Variants in LARGE1 observed in about 807,000 individuals in gnomAD.
LARGE1 encodes the protein LARGE xylosyl- and glucuronyltransferase 1.
Under a neutral mutation model 87.6 loss-of-function variants are expected in LARGE1, and 43 were observed. That is an observed-to-expected ratio of 0.49 (90% CI 0.38 to 0.63). The LOEUF is 0.63. Among genes scored for constraint, LARGE1 ranks in the 30% least tolerant of loss-of-function variants. LARGE1 has a pLI of 0.00. For synonymous variants in LARGE1, 434 were observed against 394.6 expected, an observed-to-expected ratio of 1.10 and a Z score of -1.18; for missense variants, 802 against 1,000.2, an observed-to-expected ratio of 0.80 and a Z score of 2.67.
At chr22:33,900,001 T>C (rs995651014) in intron 1 of LARGE1, among the ~76,000 whole-genome samples, 18 of 152,204 alleles carry the variant, frequency 1.2e-4, no homozygotes, top group Non-Finnish European at 2.2e-4. Flanking sequence ...TGCAAGTTAT[T>C]AGGAAGAAAC....
chr22:33,420,903 G>C (rs1328112988), intron 7 of LARGE1, among the ~76,000 whole-genome samples: 1 of 152,156 alleles, frequency 6.6e-6, no homozygotes, highest in Non-Finnish European at 1.5e-5. Flanking sequence ...AAAGGAAAAG[G>C]AAGGCTGGGC....
chr22:33,572,340 G>T, intron 5 of LARGE1: 2 of 376,712 alleles, frequency 5.3e-6, no homozygotes, highest in African/African-American at 2.2e-5. Flanking sequence ...GGCTTGAGAT[G>T]CTGGGACAGA....
intron 11 of LARGE1, among the ~76,000 whole-genome samples, chr22:33,180,503 G>A (rs1295428446): frequency 1.3e-5 from 2 of 152,204 alleles, no homozygotes; most frequent in Non-Finnish European, 2.9e-5. Context: ...TAGGCACTGT[G>A]AAAAACTGGC....
At chr22:33,458,314 C>A (rs1156526677) in intron 6 of LARGE1, among the ~76,000 whole-genome samples, 4 of 152,066 alleles carry the variant, frequency 2.6e-5, no homozygotes, top group Non-Finnish European at 5.9e-5. Flanking sequence ...CTGTGTCAGC[C>A]AGGATGGTCT....
At chr22:33,218,535 T>A (rs1452789696) in intron 11 of LARGE1, among the ~76,000 whole-genome samples, 1 of 152,128 alleles carries the variant, frequency 6.6e-6, no homozygotes, top group Non-Finnish European at 1.5e-5. Context: ...AGCTTCTCCT[T>A]TTTCGTGGTA....
chr22:33,331,058 G>A (rs1195781351), intron 10 of LARGE1, among the ~76,000 whole-genome samples: 2 of 152,298 alleles, frequency 1.3e-5, no homozygotes, highest in East Asian at 1.9e-4. Context: ...AAGCCTATGT[G>A]TGGAACAGTG....
In LARGE1 at chr22:33,650,574, C is replaced by G. The variant is rs135312; in HGVS notation, c.201G>C (p.Val67=). 9 of 1,607,192 alleles carry G rather than the reference C, an allele frequency of 5.6e-6. No individual in the cohort carries two copies. Among genetic ancestry groups the G allele is most frequent in the African/African-American group, 4.0e-5 (3 of 74,944 alleles). Residue 67 remains valine, a synonymous_variant, in exon 3 of 15, where the codon GTG becomes GTC. Transcript: ENST00000397394. ...TCTCCTCCTCCACCTCGCGCATGCGCACCTCCAGGCTCTCGCGCTCCCGCT... is the reference window on the plus strand; with the variant it reads ...TCTCCTCCTCCACCTCGCGCATGCGGACCTCCAGGCTCTCGCGCTCCCGCT... ...SSQRERESLE[V]RMREVEEENR...
At chr22:33,678,078 T>C (rs2081636032) in intron 2 of LARGE1, among the ~76,000 whole-genome samples, 1 of 152,178 alleles carries the variant, frequency 6.6e-6, no homozygotes, top group South Asian at 2.1e-4. Context: ...AAAACGCATT[T>C]GTAAAATTTA....
At chr22:33,161,401 T>C (rs1049946287), downstream of LARGE1, among the ~76,000 whole-genome samples, 1 of 152,140 alleles carries the variant, frequency 6.6e-6, no homozygotes, top group Non-Finnish European at 1.5e-5. Flanking sequence ...CCCCAAAGTC[T>C]TAGCTCATTC....
intron 2 of LARGE1, among the ~76,000 whole-genome samples, chr22:33,693,509 A>C (rs1309086380): frequency 1.3e-5 from 2 of 152,210 alleles, no homozygotes; most frequent in Non-Finnish European, 2.9e-5. Context: ...AAAACAAACA[A>C]ACAAGAGTCA....
intron 1 of LARGE1, among the ~76,000 whole-genome samples, chr22:33,855,256 C>A (rs937789764): frequency 6.6e-6 from 1 of 152,140 alleles, no homozygotes; most frequent in South Asian, 2.1e-4. Context: ...ATGGCATGAA[C>A]CCAGGAGGCG....
At chr22:33,186,741 A>C (rs1923496694) in intron 11 of LARGE1, among the ~76,000 whole-genome samples, 1 of 152,204 alleles carries the variant, frequency 6.6e-6, no homozygotes, top group Non-Finnish European at 1.5e-5. Context: ...AAACAAAGTA[A>C]AGTAAAAATC....
At chr22:33,541,047 T>TGGG (rs1408192370) in intron 6 of LARGE1, among the ~76,000 whole-genome samples, 7 of 2,184 alleles carry the variant, frequency 3.2e-3, no homozygotes, top group East Asian at 0.013. Context: ...GCTGGGGTGG[T>TGGG]GGGTTGCGGG....
intron 6 of LARGE1, among the ~76,000 whole-genome samples, chr22:33,498,941 C>A (rs751751383): frequency 2.0e-5 from 3 of 152,016 alleles, no homozygotes; most frequent in Non-Finnish European, 2.9e-5. Flanking sequence ...CACTGCACTC[C>A]AGCCTGGGGA....
chr22:33,848,861 G>A (rs2063506065), intron 1 of LARGE1, among the ~76,000 whole-genome samples: 1 of 152,038 alleles, frequency 6.6e-6, no homozygotes, highest in Non-Finnish European at 1.5e-5. Flanking sequence ...TAGATTGGAG[G>A]GACATATTCA....
chr22:33,173,484 C>A (rs1206801124), intron 11 of LARGE1, among the ~76,000 whole-genome samples: 1 of 152,122 alleles, frequency 6.6e-6, no homozygotes. Flanking sequence ...CAAATTCACA[C>A]ATAGCAATAT....
At chr22:33,150,678 T>G in the LARGE1 span, among the ~76,000 whole-genome samples, 1 of 152,216 alleles carries the variant, frequency 6.6e-6, no homozygotes, top group Non-Finnish European at 1.5e-5. Context: ...GATCCAGTTA[T>G]TCCAACATCA....
In LARGE1 at chr22:33,863,618, A is replaced by C. The variant is rs565531412; in HGVS notation, c.-83+56377T>G. Among the ~76,000 whole-genome samples the C allele has an allele frequency of 3.8e-4, 58 of 152,036 alleles. 1 individual carries two copies. The South Asian group carries it at 4.4e-3, about 11-fold the overall frequency. On this transcript the variant is annotated intron_variant, in intron 1 of 14. Coordinates refer to ENST00000397394, the MANE Select transcript of LARGE1 (RefSeq NM_133642.5). ...CCAAAAAAAAAAAAAAAATGCAAAA[A>C]TTAGCTGGATGTGGTGACGCATGCC...
At chr22:33,811,974 T>C (rs2086510782) in intron 1 of LARGE1, among the ~76,000 whole-genome samples, 1 of 151,912 alleles carries the variant, frequency 6.6e-6, no homozygotes. Context: ...ATGACCTAAG[T>C]AAGAGAGGAA....
Sources: allele counts gnomAD v4.1 joint callset (sites outside exome capture counted in the v4.1 genomes callset), GRCh38; gene constraint gnomAD v4.1.1; transcripts MANE v1.5; gene names NCBI Gene and HGNC (gene_info 2026-07-23, HGNC 2026-07-21).